Variants in JADE2 observed in about 807,000 individuals in gnomAD.
JADE2 encodes jade family PHD finger 2.
A neutral mutation model predicts 85.7 loss-of-function variants in JADE2; 13 were observed. The ratio of observed to expected loss-of-function variants is 0.15; its 90% CI spans 0.10 to 0.24. JADE2 has a LOEUF of 0.24. JADE2 is among the 10% of genes least tolerant of loss of function. JADE2 has a pLI of 1.00. For missense variants in JADE2, 846 were observed against 1,115.9 expected, an observed-to-expected ratio of 0.76 and a Z score of 3.45; for synonymous variants, 440 against 456.1, an observed-to-expected ratio of 0.96 and a Z score of 0.45.
intron 8 of JADE2, 130 bp from the exon 9 acceptor site, chr5:134,565,985 GC>G: frequency 1.3e-6 from 1 of 757,022 alleles, no homozygotes; most frequent in Non-Finnish European, 2.2e-6. Context: ...GAGGTTGGGA[GC>G]CCATGCCATT....
At chr5:134,574,613 C>G (rs329324) in intron 10 of JADE2, 127,995 of 152,496 alleles carry the variant, frequency 0.84, 53,947 homozygotes, top group Admixed American at 0.89. Flanking sequence ...ACTTCTGCCC[C>G]AGAGCTGAGC....
At chr5:134,574,178 T>C (rs1353833234) in intron 10 of JADE2, 5 of 290,196 alleles carry the variant, frequency 1.7e-5, no homozygotes. Context: ...AGAAGGCAGC[T>C]GTCCCAGAGA....
At chr5:134,548,612 C>T (rs949529562) in intron 3 of JADE2, among the ~76,000 whole-genome samples, 6 of 152,168 alleles carry the variant, frequency 3.9e-5, no homozygotes. Flanking sequence ...CAGGATGAAA[C>T]GTGGAACTCT....
intron 5 of JADE2, 64 bp downstream of exon 5, chr5:134,560,054 G>T: frequency 1.3e-6 from 2 of 1,579,842 alleles, no homozygotes; most frequent in Non-Finnish European, 1.7e-6. Flanking sequence ...TCCCCATCCC[G>T]AGAGGGACAG....
At chr5:134,560,051 C>A (rs1399673149) in intron 5 of JADE2, 61 bp downstream of exon 5, 1 of 1,587,440 alleles carries the variant, frequency 6.3e-7, no homozygotes, top group Non-Finnish European at 8.6e-7. Flanking sequence ...TTCTCCCCAT[C>A]CCGAGAGGGA....
Position 134,579,531 on chromosome 5 carries a change from C to T in JADE2, c.*214C>T, listed in dbSNP as rs1210607030. The T allele has an allele frequency of 3.1e-5, 17 of 547,002 alleles. No individual in the cohort carries two copies. Among genetic ancestry groups the T allele is most frequent in the Non-Finnish European group, 5.5e-5 (17 of 309,422 alleles). 33.9% of individuals were successfully genotyped at this position (547,002 alleles called of 1,614,324 possible). On this transcript the variant is annotated 3_prime_UTR_variant, in exon 12 of 12. Transcript: ENST00000681547. The surrounding 1 kb of genome is among the most constrained non-coding windows in gnomAD (Gnocchi z 4.6). ...GACATTAGGATTCCTTCCACGGCTC[C>T]GGCCGCTAGGACCCTGCCAGGTCCC...
intron 3 of JADE2, among the ~76,000 whole-genome samples, chr5:134,551,054 C>G (rs916302350): frequency 7.9e-5 from 12 of 152,216 alleles, no homozygotes; most frequent in Middle Eastern, 3.4e-3. Context: ...CCCCGGCCGT[C>G]CCCCAGCTGT....
chr5:134,530,756 C>T (rs1242604419), intron 1 of JADE2, among the ~76,000 whole-genome samples: 1 of 152,300 alleles, frequency 6.6e-6, no homozygotes, highest in Middle Eastern at 3.4e-3. Context: ...AGGAGCCCAA[C>T]CAAATAAAGC....
rs116391806 is a variant in JADE2 at position 134,569,541 on chromosome 5, C to T, written c.1434+2961C>T. On this transcript the variant is annotated intron_variant, in intron 9 of 11. Transcript: ENST00000681547. ...CACTGTTGATCAGCCCGACAAGTGC[C>T]GGCTGGTGTCCCCTAGCAACCGTGC... Among the ~76,000 whole-genome samples, 1,196 of 152,320 alleles carry T rather than the reference C, an allele frequency of 7.9e-3. 16 individuals carry two copies. The highest frequency in any genetic ancestry group is 0.027 in the African/African-American group (1,115 of 41,558).
chr5:134,526,881 C>A, intron 1 of JADE2: 1 of 600,870 alleles, frequency 1.7e-6, no homozygotes, highest in Non-Finnish European at 2.1e-6. Context: ...GGAAATGTAC[C>A]GGCGGCGGCC....
At chr5:134,537,794 GAGT>G (rs1761690788) in intron 2 of JADE2, among the ~76,000 whole-genome samples, 192 bp from the exon 3 acceptor site, 1 of 152,148 alleles carries the variant, frequency 6.6e-6, no homozygotes, top group African/African-American at 2.4e-5. Context: ...TCTGGTTGGC[GAGT>G]AGAGGAGGCT....
chr5:134,533,984 A>T (rs1761423970), intron 1 of JADE2, among the ~76,000 whole-genome samples: 1 of 151,992 alleles, frequency 6.6e-6, no homozygotes, highest in Non-Finnish European at 1.5e-5. Flanking sequence ...GGGCTCAAGA[A>T]ATCCTCCAGC....
intron 1 of JADE2, among the ~76,000 whole-genome samples, chr5:134,535,266 A>G (rs1206364615): frequency 6.6e-6 from 1 of 152,188 alleles, no homozygotes; most frequent in Non-Finnish European, 1.5e-5. Flanking sequence ...AGCCCAGCCC[A>G]GGACCAGTCA....
intron 1 of JADE2, among the ~76,000 whole-genome samples, chr5:134,531,980 C>T (rs1761278698): frequency 7.1e-6 from 1 of 141,164 alleles, no homozygotes; most frequent in Non-Finnish European, 1.5e-5. Context: ...ACTGCAACCT[C>T]AACCTCCTGG....
intron 3 of JADE2, among the ~76,000 whole-genome samples, chr5:134,545,400 G>A (rs534119679): frequency 1.4e-5 from 2 of 147,308 alleles, no homozygotes; most frequent in Admixed American, 6.8e-5. Flanking sequence ...AGAAAGAGAC[G>A]TTGAGTGGGG....
chr5:134,528,234 A>G (rs563974216), intron 1 of JADE2, among the ~76,000 whole-genome samples: 4 of 152,166 alleles, frequency 2.6e-5, no homozygotes, highest in South Asian at 4.1e-4. Context: ...TTCACTGGTA[A>G]AATTCCCAGT....
chr5:134,567,336 G>GGT (rs1763703459), intron 9 of JADE2, among the ~76,000 whole-genome samples: 1 of 152,180 alleles, frequency 6.6e-6, no homozygotes, highest in Non-Finnish European at 1.5e-5. Flanking sequence ...GTCTGGAATG[G>GGT]GTGGGCTGGC....
chr5:134,560,402 C>G (rs1198977632), intron 5 of JADE2, among the ~76,000 whole-genome samples: 1 of 152,170 alleles, frequency 6.6e-6, no homozygotes, highest in Non-Finnish European at 1.5e-5. Flanking sequence ...TTCAGCCACA[C>G]TCAGAGGTCC....
chr5:134,577,724 A>T (rs918610261), intron 11 of JADE2, among the ~76,000 whole-genome samples: 4 of 152,092 alleles, frequency 2.6e-5, no homozygotes, highest in Non-Finnish European at 5.9e-5. Context: ...AAAGAAGGGG[A>T]TAACTTGGGT....
Sources: gnomAD v4.1 joint callset for allele counts (sites outside exome capture counted in the v4.1 genomes callset) on GRCh38, gnomAD v4.1.1 for gene constraint, Gnocchi (gnomAD v3.1) non-coding constraint, MANE v1.5 for transcripts, NCBI Gene and HGNC (gene_info 2026-07-23, HGNC 2026-07-21) for gene names.